Variants in NDST4 observed in about 807,000 individuals in gnomAD.
The protein encoded by NDST4 is N-deacetylase and N-sulfotransferase 4, also known as N-heparan sulfate sulfotransferase 4.
A neutral mutation model predicts 100.8 loss-of-function variants in NDST4; 63 were observed. The observed-to-expected ratio is 0.62, with a 90% CI of 0.51 to 0.77. NDST4 has a LOEUF of 0.77. Ranked by LOEUF, NDST4 falls within the 30% of genes least tolerant of loss-of-function variation. The pLI is 0.00. For synonymous variants in NDST4, 377 were observed against 361.8 expected (o/e 1.04, Z -0.48); for missense variants, 943 against 1,018.4 (o/e 0.93, Z 1.01).
chr4:114,989,133 G>T (rs1293669582), intron 2 of NDST4, among the ~76,000 whole-genome samples: 1 of 152,144 alleles, frequency 6.6e-6, no homozygotes, highest in African/African-American at 2.4e-5. Flanking sequence ...ATAAACACCT[G>T]CTAGTCTACC....
At chr4:114,966,763 C>T (rs1726391697) in intron 4 of NDST4, among the ~76,000 whole-genome samples, 1 of 151,934 alleles carries the variant, frequency 6.6e-6, no homozygotes, top group East Asian at 1.9e-4. Flanking sequence ...ATGTTCATTC[C>T]AAATTTGTGG....
Position 115,038,606 on chromosome 4 carries a change from T to G in NDST4, c.978+37453A>C, listed in dbSNP as rs111592520. ...TTTGTAAAATGACTTAACATTTATTTTCAAAGAAGTAAAGGACATGTAATT... is the reference window on the plus strand; with the variant it reads ...TTTGTAAAATGACTTAACATTTATTGTCAAAGAAGTAAAGGACATGTAATT... On this transcript the variant is annotated intron_variant, in intron 2 of 13. Transcript: ENST00000264363. Among the ~76,000 whole-genome samples, 981 of 152,346 alleles carry G rather than the reference T, an allele frequency of 6.4e-3. 13 individuals are homozygous for G. The highest frequency in any genetic ancestry group is 0.022 in the African/African-American group (920 of 41,586).
chr4:114,910,135 C>T (rs763387497), intron 6 of NDST4, among the ~76,000 whole-genome samples: 32 of 152,102 alleles, frequency 2.1e-4, no homozygotes, highest in Non-Finnish European at 3.8e-4. Flanking sequence ...GATATGATCA[C>T]AGGTTGGATT....
chr4:115,111,537 A>AG (rs1311600400), intron 1 of NDST4, among the ~76,000 whole-genome samples: 1 of 151,668 alleles, frequency 6.6e-6, no homozygotes. Context: ...CCTATCTTGG[A>AG]GAAAACAAAA....
At chr4:114,933,456 T>TTTTTTTTTTTTTTTTTTTTTTTTTTTTA (rs1337610741) in intron 6 of NDST4, among the ~76,000 whole-genome samples, 2 of 133,334 alleles carry the variant, frequency 1.5e-5, no homozygotes, top group South Asian at 2.4e-4. Flanking sequence ...TTTTTTTTTG[T>TTTTTTTTTTTTTTTTTTTTTTTTTTTTA]GTGTAAAAAC....
At chr4:114,937,562 C>A in intron 4 of NDST4, 59 bp from the exon 5 acceptor site, 1 of 1,337,154 alleles carries the variant, frequency 7.5e-7, no homozygotes, top group South Asian at 1.4e-5. Context: ...CAGTGAAAAT[C>A]ATTTCCACCA....
intron 2 of NDST4, among the ~76,000 whole-genome samples, chr4:115,049,853 C>T (rs572074170): frequency 6.6e-6 from 1 of 152,222 alleles, no homozygotes; most frequent in African/African-American, 2.4e-5. Context: ...TTTGTGCTAT[C>T]TTGGTTACAT....
At chr4:114,957,885 G>A (rs1726173597) in intron 4 of NDST4, among the ~76,000 whole-genome samples, 1 of 152,170 alleles carries the variant, frequency 6.6e-6, no homozygotes, top group African/African-American at 2.4e-5. Flanking sequence ...AGATCATACT[G>A]ATGCAAAAAG....
chr4:114,837,560 A>C (rs1376677388), intron 11 of NDST4, among the ~76,000 whole-genome samples: 3 of 152,226 alleles, frequency 2.0e-5, no homozygotes, highest in Non-Finnish European at 4.4e-5. Flanking sequence ...AAACCTGACA[A>C]AAACAAGCAA....
chr4:114,862,862 T>G (rs993750200), intron 7 of NDST4, among the ~76,000 whole-genome samples: 1 of 152,174 alleles, frequency 6.6e-6, no homozygotes, highest in Non-Finnish European at 1.5e-5. Flanking sequence ...TCCAAATATT[T>G]TTATTACTAA....
At chr4:114,997,934 T>A in intron 2 of NDST4, among the ~76,000 whole-genome samples, 1 of 152,080 alleles carries the variant, frequency 6.6e-6, no homozygotes, top group Non-Finnish European at 1.5e-5. Flanking sequence ...AAGGATTTGT[T>A]GGAAATGACA....
intron 2 of NDST4, among the ~76,000 whole-genome samples, chr4:114,980,776 T>A (rs978107242): frequency 2.6e-5 from 4 of 152,196 alleles, no homozygotes; most frequent in Admixed American, 1.3e-4. Context: ...TTTCTTTTAC[T>A]GCTTATGAAG....
intron 7 of NDST4, among the ~76,000 whole-genome samples, chr4:114,854,382 G>A (rs1258498096): frequency 6.6e-6 from 1 of 152,156 alleles, no homozygotes; most frequent in Non-Finnish European, 1.5e-5. Flanking sequence ...CTCTGTTGAT[G>A]GATACTTAAG....
chr4:115,032,859 C>T lies in NDST4; in HGVS notation c.978+43200G>A, dbSNP rs1306888630. ...TGTGTTTTGAGTTTCCCAAGACATA[C>T]TGTTTTGTTCACCAACTTTCATAAC... On this transcript the variant is annotated intron_variant, in intron 2 of 13. Transcript: ENST00000264363. Among the ~76,000 whole-genome samples, 4 of 151,898 alleles carry T rather than the reference C, an allele frequency of 2.6e-5. No homozygotes were observed. The East Asian group carries it at 5.8e-4, about 22-fold the overall frequency.
At chr4:114,996,317 C>G (rs1472205265) in intron 2 of NDST4, among the ~76,000 whole-genome samples, 1 of 152,008 alleles carries the variant, frequency 6.6e-6, no homozygotes, top group Non-Finnish European at 1.5e-5. Flanking sequence ...TGCCTTCCAC[C>G]ACGACTGTAA....
intron 2 of NDST4, among the ~76,000 whole-genome samples, chr4:115,072,383 C>T (rs900063148): frequency 6.6e-6 from 1 of 151,672 alleles, no homozygotes; most frequent in South Asian, 2.1e-4. Flanking sequence ...TATGAAACTA[C>T]AAAAGATCCC....
At chr4:115,007,118 A>T (rs1036673307) in intron 2 of NDST4, among the ~76,000 whole-genome samples, 2 of 152,160 alleles carry the variant, frequency 1.3e-5, no homozygotes, top group Non-Finnish European at 1.5e-5. Context: ...GGAGATACTG[A>T]TAGTTAAATT....
intron 6 of NDST4, among the ~76,000 whole-genome samples, chr4:114,919,469 C>A (rs1262666312): frequency 2.0e-5 from 3 of 152,100 alleles, no homozygotes; most frequent in African/African-American, 7.2e-5. Flanking sequence ...TTCCTGGAAG[C>A]AACTTATTTC....
intron 11 of NDST4, among the ~76,000 whole-genome samples, chr4:114,838,947 T>C (rs1171773605): frequency 1.3e-5 from 2 of 152,082 alleles, no homozygotes; most frequent in Non-Finnish European, 2.9e-5. Flanking sequence ...TCTTTCCTTA[T>C]AAGGGCCATA....
Sources: allele counts gnomAD v4.1 joint callset (sites outside exome capture counted in the v4.1 genomes callset), GRCh38; gene constraint gnomAD v4.1.1; transcripts MANE v1.5; gene names NCBI Gene and HGNC (gene_info 2026-07-23, HGNC 2026-07-21).